ALPK2: variants seen among roughly 807,000 people sequenced by gnomAD.
The protein encoded by ALPK2 is alpha kinase 2, also known as alpha-protein kinase 2.
A neutral mutation model predicts 163.1 loss-of-function variants in ALPK2; 127 were observed. The ratio of observed to expected loss-of-function variants is 0.78; its 90% confidence interval spans 0.67 to 0.90. The LOEUF (loss-of-function observed/expected upper bound fraction) is 0.90. Ranked by LOEUF, ALPK2 falls within the 40% of genes least tolerant of loss-of-function variation. The pLI, the probability that ALPK2 is intolerant of heterozygous loss-of-function variation, is 0.00. For missense variants in ALPK2, 2,360 were observed against 2,589.6 expected (o/e 0.91, Z 1.92); for synonymous variants, 953 against 959.1 (o/e 0.99, Z 0.12).
chr18:58,500,869 A>G (rs916047727), intron 11 of ALPK2, among the ~76,000 whole-genome samples: 1 of 152,106 alleles, frequency 6.6e-6, no homozygotes, highest in Admixed American at 6.5e-5. Context: ...TCTCACCAGC[A>G]TGCAGGTCTC....
At chr18:58,557,122 A>G (rs1239801942) in intron 4 of ALPK2, 1 of 152,280 alleles carries the variant, frequency 6.6e-6, no homozygotes, top group Non-Finnish European at 1.5e-5. Context: ...GGCTGCCAGG[A>G]TGCCAACTGG....
intron 12 of ALPK2, among the ~76,000 whole-genome samples, chr18:58,494,317 T>C (rs985305439): frequency 3.9e-5 from 6 of 152,202 alleles, no homozygotes; most frequent in Non-Finnish European, 8.8e-5. Context: ...GGGGATGTGT[T>C]TCCAGACATA....
intron 8 of ALPK2, among the ~76,000 whole-genome samples, chr18:58,521,612 T>C (rs1818852252): frequency 7.7e-6 from 1 of 129,950 alleles, no homozygotes; most frequent in Non-Finnish European, 1.6e-5. Context: ...TTTCTTTTTC[T>C]TTCTTTCTCT....
At chr18:58,577,873 A>G (rs1350165133) in intron 4 of ALPK2, 1 of 152,228 alleles carries the variant, frequency 6.6e-6, no homozygotes, top group African/African-American at 2.4e-5. Flanking sequence ...TTCTATAAAA[A>G]TAATACTAGT....
intron 12 of ALPK2, among the ~76,000 whole-genome samples, chr18:58,484,603 G>C (rs1252887278): frequency 6.6e-6 from 1 of 152,162 alleles, no homozygotes; most frequent in Admixed American, 6.5e-5. Context: ...AATTAGCTGG[G>C]TGTGGTGGCA....
intron 10 of ALPK2, among the ~76,000 whole-genome samples, chr18:58,508,023 G>A (rs1602191567): frequency 6.6e-6 from 1 of 152,080 alleles, no homozygotes; most frequent in Non-Finnish European, 1.5e-5. Context: ...AGTGTTTGAG[G>A]TATTTTTCAG....
chr18:58,494,695 A>T (rs561510650), intron 12 of ALPK2, among the ~76,000 whole-genome samples: 35 of 152,222 alleles, frequency 2.3e-4, no homozygotes, highest in African/African-American at 7.7e-4. Context: ...GAATGAACTA[A>T]GCTCACTCAC....
At chr18:58,610,434 T>A (rs1431984588) in intron 2 of ALPK2, among the ~76,000 whole-genome samples, 1 of 152,002 alleles carries the variant, frequency 6.6e-6, no homozygotes, top group Non-Finnish European at 1.5e-5. Flanking sequence ...CCCTACCCAA[T>A]TGTTTTATGT....
chr18:58,525,796 G>A (rs2041517739), intron 6 of ALPK2, among the ~76,000 whole-genome samples: 1 of 152,114 alleles, frequency 6.6e-6, no homozygotes, highest in Non-Finnish European at 1.5e-5. Flanking sequence ...CCAGTCTTGA[G>A]CGTGGTCACG....
chr18:58,527,281 TG>T (rs2051589494), intron 6 of ALPK2, among the ~76,000 whole-genome samples: 1 of 152,218 alleles, frequency 6.6e-6, no homozygotes. Flanking sequence ...AGCAAACATT[TG>T]AAAACCCACT....
intron 10 of ALPK2, among the ~76,000 whole-genome samples, chr18:58,507,383 A>G (rs538315371): frequency 2.0e-5 from 3 of 152,374 alleles, no homozygotes; most frequent in Admixed American, 2.0e-4. Flanking sequence ...GTTTTGAATC[A>G]GGATCTTTAA....
In ALPK2 at chr18:58,542,334, T is replaced by C. The variant is rs564709478; in HGVS notation, c.1963-4110A>G. Among the ~76,000 whole-genome samples the C allele has an allele frequency of 4.6e-5, 7 of 152,318 alleles. No homozygotes were observed. The South Asian group carries it at 1.5e-3, about 32-fold the overall frequency. ...CTCACTCACTGATACTAATTTTCCTTCTTCTCTGTGAAAAAACAGCAGTAG... is the reference window on the plus strand; with the variant it reads ...CTCACTCACTGATACTAATTTTCCTCCTTCTCTGTGAAAAAACAGCAGTAG... On this transcript the variant is annotated intron_variant, in intron 4 of 12. Coordinates refer to ENST00000361673, the MANE Select transcript of ALPK2 (RefSeq NM_052947.4).
intron 10 of ALPK2, among the ~76,000 whole-genome samples, chr18:58,513,243 A>G (rs939916861): frequency 6.6e-6 from 1 of 150,820 alleles, no homozygotes; most frequent in Non-Finnish European, 1.5e-5. Context: ...GTGTGTGTGT[A>G]TGGTGAGTGT....
chr18:58,504,013 T>G lies in ALPK2; in HGVS notation c.6165A>C (p.Ser2055=), dbSNP rs778763892. ...AGGTGCAACATTTCTGACCAGCTTC[T>G]GATTCTCTTCTCAAGAAGTTTATTT... is the stretch of plus-strand genomic sequence containing the variant. ...GKEINFLRRE[S]EAGQKCCTFQ... is the part of the protein sequence containing the mutation. The change falls in exon 11 of 13, where the codon TCA becomes TCC. Residue 2055 remains serine, a synonymous_variant. Transcript: ENST00000361673. The G allele has an allele frequency of 6.2e-7, 1 of 1,614,262 alleles. No homozygotes were observed. The highest frequency in any genetic ancestry group is 1.3e-5 in the African/African-American group (1 of 75,078).
intron 1 of ALPK2, among the ~76,000 whole-genome samples, chr18:58,617,455 G>A (rs1418478511): frequency 6.6e-6 from 1 of 152,114 alleles, no homozygotes; most frequent in Non-Finnish European, 1.5e-5. Context: ...CCAAAGTGCT[G>A]GGATTACAGG....
Position 58,579,378 on chromosome 18 carries a change from T to C in ALPK2, c.1398A>G (p.Gln466=), listed in dbSNP as rs1361072784. 1 of 1,614,202 alleles carries C rather than the reference T, an allele frequency of 6.2e-7. No homozygotes were observed. Among genetic ancestry groups the C allele is most frequent in the Non-Finnish European group, 8.5e-7 (1 of 1,180,024 alleles). The stretch of plus-strand genomic sequence containing the variant: ...CTTGGTGGCTGTCTCTGGTTTCTCC[T>C]TGAATTCCTGGATAATCATTTTCAG... The part of the protein sequence containing the change: ...EAAENDYPGI[Q]GETRDSHQAR... Residue 466 remains glutamine (Q), a synonymous_variant, in exon 4 of 13, where the codon CAA becomes CAG. Coordinates refer to ENST00000361673, the MANE Select transcript of ALPK2 (RefSeq NM_052947.4).
intron 1 of ALPK2, among the ~76,000 whole-genome samples, chr18:58,618,926 T>C (rs1212679285): frequency 6.6e-6 from 1 of 152,184 alleles, no homozygotes; most frequent in Non-Finnish European, 1.5e-5. Flanking sequence ...TAACCGGCTC[T>C]TGTGGAGCTG....
At chr18:58,483,206 T>G (rs562780052) in intron 12 of ALPK2, among the ~76,000 whole-genome samples, 1 of 152,304 alleles carries the variant, frequency 6.6e-6, no homozygotes, top group East Asian at 1.9e-4. Flanking sequence ...ATAAACACTT[T>G]GAAGTAGCAC....
chr18:58,610,655 A>G (rs889424056), intron 2 of ALPK2, among the ~76,000 whole-genome samples: 1 of 152,190 alleles, frequency 6.6e-6, no homozygotes, highest in Non-Finnish European at 1.5e-5. Flanking sequence ...TAAGATATCA[A>G]TTAGGGCCAG....
Sources: allele counts gnomAD v4.1 joint callset (sites outside exome capture counted in the v4.1 genomes callset), GRCh38; gene constraint gnomAD v4.1.1; transcripts MANE v1.5; gene names NCBI Gene and HGNC (gene_info 2026-07-23, HGNC 2026-07-21).